The following SCARA5 variants were observed in gnomAD, a reference collection of about 807,000 sequenced individuals.
SCARA5 encodes the protein scavenger receptor class A, member 5 (putative).
Under a neutral mutation model 46.3 loss-of-function variants are expected in SCARA5, and 45 were observed. That is an observed-to-expected ratio of 0.97 (90% CI 0.76 to 1.24). SCARA5 has a LOEUF of 1.24. SCARA5 is among the 50% of genes most tolerant of loss of function. SCARA5 has a pLI of 0.00. For missense variants in SCARA5, 680 were observed against 689.0 expected (o/e 0.99, Z 0.15); for synonymous variants, 333 against 306.5 (o/e 1.09, Z -0.90).
intron 7 of SCARA5, among the ~76,000 whole-genome samples, chr8:27,884,259 C>T (rs1383838575): frequency 6.6e-6 from 1 of 152,192 alleles, no homozygotes; most frequent in African/African-American, 2.4e-5. Flanking sequence ...CCCAAACAGG[C>T]TGAGGCTATG....
At position 27,904,758 on chromosome 8, in the gene SCARA5, C is replaced by A. The variant is rs1415118698; in HGVS notation, c.1153+20G>T. ...CCTGTGCCAACACCATATCCCACGG[C>A]CCCAGCAGAATGTCCTTACTGGCAT... is the stretch of plus-strand genomic sequence containing the variant. On this transcript the variant is annotated intron_variant, in intron 7 of 8. Transcript: ENST00000354914. The A allele has an allele frequency of 6.2e-7, 1 of 1,609,990 alleles. No individual in the cohort carries two copies. The highest frequency in any genetic ancestry group is 8.5e-7 in the Non-Finnish European group (1 of 1,176,186).
chr8:27,918,467 G>A (rs1345489940), intron 4 of SCARA5, among the ~76,000 whole-genome samples: 3 of 151,402 alleles, frequency 2.0e-5, no homozygotes, highest in Non-Finnish European at 4.4e-5. Context: ...AGGTTGGGGG[G>A]GGTTCAGTAG....
intron 2 of SCARA5, among the ~76,000 whole-genome samples, chr8:27,969,866 A>T (rs1808422341): frequency 6.6e-6 from 1 of 152,208 alleles, no homozygotes; most frequent in African/African-American, 2.4e-5. Context: ...CTTTTGACTT[A>T]AGGATTGTAG....
At chr8:27,917,689 T>A (rs1404903766) in intron 4 of SCARA5, among the ~76,000 whole-genome samples, 1 of 152,210 alleles carries the variant, frequency 6.6e-6, no homozygotes, top group African/African-American at 2.4e-5. Context: ...GATGTGAGGA[T>A]TCGTGGTCTT....
intron 8 of SCARA5, among the ~76,000 whole-genome samples, chr8:27,878,775 C>G (rs948910841): frequency 3.3e-5 from 5 of 152,190 alleles, no homozygotes; most frequent in African/African-American, 9.7e-5. Context: ...AACCTCTCTG[C>G]ACTTTTATTT....
intron 3 of SCARA5, among the ~76,000 whole-genome samples, chr8:27,940,433 T>C (rs1313206100): frequency 6.6e-6 from 1 of 152,332 alleles, no homozygotes; most frequent in East Asian, 1.9e-4. Flanking sequence ...ATAATTTACT[T>C]ACCATTTTCA....
chr8:27,916,292 A>AGTGTATGTGTATATGTATGTGCATATAT (rs1807458933), intron 4 of SCARA5, among the ~76,000 whole-genome samples: 3 of 152,150 alleles, frequency 2.0e-5, no homozygotes, highest in Non-Finnish European at 2.9e-5. Flanking sequence ...GAGTGTGGTG[A>AGTGTATGTGTATATGTATGTGCATATAT]GTGTATGTGT....
chr8:27,925,871 G>A (rs578188790), intron 3 of SCARA5, among the ~76,000 whole-genome samples: 2 of 152,336 alleles, frequency 1.3e-5, no homozygotes, highest in Admixed American at 1.3e-4. Context: ...CTGGCCATCA[G>A]AGAAATGCAA....
At chr8:27,931,668 T>C (rs1341713857) in intron 3 of SCARA5, among the ~76,000 whole-genome samples, 1 of 152,040 alleles carries the variant, frequency 6.6e-6, no homozygotes, top group Non-Finnish European at 1.5e-5. Flanking sequence ...GCATTTTTAT[T>C]TATTTATTTA....
chr8:27,920,488 C>T (rs766991831), intron 4 of SCARA5, among the ~76,000 whole-genome samples: 1 of 151,918 alleles, frequency 6.6e-6, no homozygotes, highest in Admixed American at 6.6e-5. Flanking sequence ...GTGGCACACA[C>T]CTGTAATCCT....
At chr8:27,898,463 A>G (rs2129727117) in intron 7 of SCARA5, among the ~76,000 whole-genome samples, 1 of 152,374 alleles carries the variant, frequency 6.6e-6, no homozygotes, top group South Asian at 2.1e-4. Flanking sequence ...AGGTGAAAAC[A>G]GGACTTGGAT....
At chr8:27,962,940 G>C (rs1169322846) in intron 3 of SCARA5, among the ~76,000 whole-genome samples, 1 of 152,202 alleles carries the variant, frequency 6.6e-6, no homozygotes, top group African/African-American at 2.4e-5. Flanking sequence ...GAATGGTGCT[G>C]TTAGAAAAGA....
intron 2 of SCARA5, among the ~76,000 whole-genome samples, chr8:27,967,318 A>T (rs1228843228): frequency 2.6e-5 from 4 of 152,212 alleles, no homozygotes; most frequent in African/African-American, 9.6e-5. Context: ...CAGATAAAGA[A>T]TGTCAAATGT....
At chr8:27,976,067 T>C (rs923725594) in intron 2 of SCARA5, among the ~76,000 whole-genome samples, 1 of 151,906 alleles carries the variant, frequency 6.6e-6, no homozygotes, top group African/African-American at 2.4e-5. Context: ...ATCAAGGGTG[T>C]GTGTGCTTGT....
chr8:27,914,011 T>C (rs1478439450), intron 4 of SCARA5, among the ~76,000 whole-genome samples: 3 of 152,198 alleles, frequency 2.0e-5, no homozygotes, highest in Non-Finnish European at 4.4e-5. Context: ...TCTTGAACTG[T>C]AGCTCCCATA....
intron 2 of SCARA5, among the ~76,000 whole-genome samples, chr8:27,971,335 T>TCTA (rs1808444663): frequency 6.6e-6 from 1 of 152,220 alleles, no homozygotes; most frequent in Admixed American, 6.5e-5. Flanking sequence ...CACCAGGGTG[T>TCTA]GAAGGACAGC....
intron 3 of SCARA5, among the ~76,000 whole-genome samples, chr8:27,958,682 G>C (rs922441972): frequency 3.9e-5 from 6 of 152,238 alleles, no homozygotes; most frequent in African/African-American, 1.4e-4. Flanking sequence ...AGATCCAGCA[G>C]ACTGCAATAC....
intron 3 of SCARA5, among the ~76,000 whole-genome samples, chr8:27,926,020 C>A (rs1467674264): frequency 6.6e-6 from 1 of 152,166 alleles, no homozygotes; most frequent in African/African-American, 2.4e-5. Context: ...ATTAGTTCAA[C>A]CATCGTGGAA....
intron 3 of SCARA5, among the ~76,000 whole-genome samples, chr8:27,944,815 A>G (rs1201442348): frequency 6.6e-6 from 1 of 151,988 alleles, no homozygotes; most frequent in Non-Finnish European, 1.5e-5. Context: ...GGTTGCAGTG[A>G]GCCGAGATCA....
Sources: gnomAD v4.1 joint callset for allele counts (sites outside exome capture counted in the v4.1 genomes callset) on GRCh38, gnomAD v4.1.1 for gene constraint, MANE v1.5 for transcripts, NCBI Gene and HGNC (gene_info 2026-07-23, HGNC 2026-07-21) for gene names.